CRB1: variants seen among roughly 807,000 people sequenced by gnomAD.
CRB1 encodes the protein crumbs cell polarity complex component 1.
Under a neutral mutation model 120.0 loss-of-function variants are expected in CRB1, and 83 were observed. That is an observed-to-expected ratio of 0.69 (90% CI 0.58 to 0.83). The LOEUF (loss-of-function observed/expected upper bound fraction) is 0.83. CRB1 is among the 40% of genes least tolerant of loss of function. The pLI, the probability that CRB1 is intolerant of heterozygous loss-of-function variation, is 0.00. For synonymous variants in CRB1, 625 were observed against 612.5 expected, an observed-to-expected ratio of 1.02 and a Z score of -0.30; for missense variants, 1,699 against 1,687.6, an observed-to-expected ratio of 1.01 and a Z score of -0.12.
At chr1:197,463,596 C>T (rs1011392377) in intron 11 of CRB1, among the ~76,000 whole-genome samples, 1 of 152,080 alleles carries the variant, frequency 6.6e-6, no homozygotes, top group Non-Finnish European at 1.5e-5. Context: ...TAAACAAGCC[C>T]TGATAATTTG....
At chr1:197,339,947 C>T (rs1659358717) in intron 2 of CRB1, among the ~76,000 whole-genome samples, 1 of 152,176 alleles carries the variant, frequency 6.6e-6, no homozygotes, top group South Asian at 2.1e-4. Context: ...TATTCCATAG[C>T]TGTGACTTGA....
intron 11 of CRB1, among the ~76,000 whole-genome samples, chr1:197,462,688 C>T (rs1054111759): frequency 2.0e-5 from 3 of 152,102 alleles, no homozygotes; most frequent in African/African-American, 2.4e-5. Flanking sequence ...TTTAATTACA[C>T]ATAAATTTCA....
chr1:197,286,280 C>A (rs958152598), intron 1 of CRB1, among the ~76,000 whole-genome samples: 2 of 151,804 alleles, frequency 1.3e-5, no homozygotes, highest in Non-Finnish European at 2.9e-5. Context: ...TATTGAGAAC[C>A]GAATACTTAG....
At chr1:197,302,762 CT>C (rs1656944808) in intron 1 of CRB1, among the ~76,000 whole-genome samples, 1 of 152,288 alleles carries the variant, frequency 6.6e-6, no homozygotes, top group East Asian at 1.9e-4. Flanking sequence ...GGAATATTAA[CT>C]AGGGACACAA....
intron 11 of CRB1, among the ~76,000 whole-genome samples, chr1:197,449,815 G>A (rs1027610514): frequency 6.6e-6 from 1 of 152,084 alleles, no homozygotes; most frequent in African/African-American, 2.4e-5. Context: ...ACGCTACATG[G>A]GCATATTACA....
intron 10 of CRB1, 132 bp downstream of exon 10, chr1:197,438,807 A>G: frequency 6.2e-6 from 7 of 1,133,222 alleles, no homozygotes; most frequent in Non-Finnish European, 7.6e-6. Context: ...AGAGGTTCAG[A>G]CAGAATGAAA....
intron 5 of CRB1, among the ~76,000 whole-genome samples, chr1:197,399,136 CT>C (rs1388397683): frequency 6.6e-6 from 1 of 152,044 alleles, no homozygotes; most frequent in Non-Finnish European, 1.5e-5. Context: ...GGAAATCTTC[CT>C]TGATTAGCCC....
At chr1:197,378,518 A>T (rs1661767096) in intron 5 of CRB1, among the ~76,000 whole-genome samples, 1 of 152,146 alleles carries the variant, frequency 6.6e-6, no homozygotes, top group Non-Finnish European at 1.5e-5. Flanking sequence ...CCAAAACTCT[A>T]TGAACCCTTT....
intron 1 of CRB1, among the ~76,000 whole-genome samples, chr1:197,276,145 G>A (rs1655193354): frequency 6.6e-5 from 10 of 151,674 alleles, no homozygotes; most frequent in Admixed American, 6.6e-4. Flanking sequence ...AAAACCAAAG[G>A]CAGTGTACTT....
the CRB1 span, among the ~76,000 whole-genome samples, chr1:197,257,600 A>C: frequency 1.3e-5 from 2 of 152,216 alleles, no homozygotes; most frequent in Non-Finnish European, 2.9e-5. Context: ...AGCCTAGATC[A>C]AGCCTAATCA....
intron 5 of CRB1, among the ~76,000 whole-genome samples, chr1:197,361,728 G>T (rs1660779487): frequency 6.6e-6 from 1 of 151,068 alleles, no homozygotes; most frequent in African/African-American, 2.4e-5. Context: ...CCCCTTTTAT[G>T]TCCACCTTTT....
chr1:197,238,059 A>C, the CRB1 span, among the ~76,000 whole-genome samples: 1 of 152,078 alleles, frequency 6.6e-6, no homozygotes, highest in Non-Finnish European at 1.5e-5. Flanking sequence ...CTTTTCACTG[A>C]GTTTAATGTG....
chr1:197,478,079 T>A lies in CRB1; in HGVS notation c.*200T>A. 1.6e-6 allele frequency: 1 copy of A among 607,374 alleles called. No homozygotes were observed. Among genetic ancestry groups the A allele is most frequent in the South Asian group, 2.0e-5 (1 of 50,820 alleles). The allele number at this position is 607,374 out of a possible 1,614,324, so 37.6% of individuals were successfully genotyped here. ...TGTTTTATTATATTATATCAGCCAA[T>A]TGCAAAAAAAGTCTGTGCCAGTAAT... is the stretch of plus-strand genomic sequence containing the variant. On this transcript the variant is annotated 3_prime_UTR_variant, in exon 12 of 12. Transcript: ENST00000367400.
chr1:197,322,387 C>T (rs1269279384), intron 1 of CRB1, among the ~76,000 whole-genome samples: 1 of 151,772 alleles, frequency 6.6e-6, no homozygotes, highest in Non-Finnish European at 1.5e-5. Flanking sequence ...ACCTTGAACC[C>T]AGGAGGCAGA....
At chr1:197,284,256 G>A (rs1274854626) in intron 1 of CRB1, among the ~76,000 whole-genome samples, 1 of 151,916 alleles carries the variant, frequency 6.6e-6, no homozygotes, top group Non-Finnish European at 1.5e-5. Context: ...CATGCACAAT[G>A]ACAACACAGC....
rs1658658603 is a variant in CRB1, at chr1:197,328,566, A to C, written c.215A>C (p.Asp72Ala). ...GACAAAGACTGTGACAACATGAAAG[A>C]CCCTTGCTTCTCCAATCCCTGTCAA... ...NLDKDCDNMK[D>A]PCFSNPCQGS... Residue 72 changes from aspartate to alanine, a missense_variant, in exon 2 of 12, where the codon GAC (aspartate) becomes GCC (alanine). Physicochemically the swap from Asp to Ala is moderately radical, Grantham distance 126 (BLOSUM62 -2). Coordinates refer to ENST00000367400, the MANE Select transcript of CRB1 (RefSeq NM_201253.3). 1 of 1,614,198 alleles carries C rather than the reference A, an allele frequency of 6.2e-7. No homozygotes were observed. The highest frequency in any genetic ancestry group is 8.5e-7 in the Non-Finnish European group (1 of 1,180,034).
chr1:197,283,181 TA>T (rs1168423521), intron 1 of CRB1, among the ~76,000 whole-genome samples: 2 of 151,944 alleles, frequency 1.3e-5, no homozygotes, highest in African/African-American at 2.4e-5. Context: ...ATTTGTGGTG[TA>T]AAAAATATGC....
upstream of CRB1, among the ~76,000 whole-genome samples, chr1:197,264,657 T>A (rs1654592554): frequency 2.6e-5 from 4 of 150,976 alleles, no homozygotes; most frequent in Admixed American, 2.6e-4. Context: ...TCTGTCGCTC[T>A]GTCGCCCAGG....
the CRB1 span, among the ~76,000 whole-genome samples, chr1:197,226,187 G>GCATGAGCC: frequency 6.6e-6 from 1 of 152,166 alleles, no homozygotes; most frequent in African/African-American, 2.4e-5. Flanking sequence ...GGGATTACAG[G>GCATGAGCC]CATGAGCCAC....
Sources: allele counts gnomAD v4.1 joint callset (sites outside exome capture counted in the v4.1 genomes callset), GRCh38; gene constraint gnomAD v4.1.1; transcripts MANE v1.5; gene names NCBI Gene and HGNC (gene_info 2026-07-23, HGNC 2026-07-21).